Variants in CSMD1 observed in about 807,000 individuals in gnomAD.
CSMD1 encodes the protein CUB and sushi domain-containing protein 1.
In CSMD1, 213 loss-of-function variants were observed where a neutral mutation model predicts 417.5. That is an observed-to-expected ratio of 0.51 (90% CI 0.46 to 0.57). The LOEUF (loss-of-function observed/expected upper bound fraction) is 0.57. Ranked by LOEUF, CSMD1 falls within the 20% of genes least tolerant of loss-of-function variation. The probability of loss-of-function intolerance (pLI) is 0.00; values close to 1 mark genes in which losing one functional copy is unlikely to be tolerated. For synonymous variants in CSMD1, 2,862 were observed against 1,736.8 expected (o/e 1.65, Z -16.11); for missense variants, 6,923 against 4,529.7 (o/e 1.53, Z -15.17).
intron 3 of CSMD1, among the ~76,000 whole-genome samples, chr8:4,245,774 A>T (rs141682720): frequency 2.0e-5 from 3 of 152,168 alleles, no homozygotes; most frequent in African/African-American, 7.2e-5. Flanking sequence ...CTCTGTTTTC[A>T]TATTTCCTAT....
At chr8:2,997,404 A>G (rs1328742099) in intron 54 of CSMD1, among the ~76,000 whole-genome samples, 3 of 152,240 alleles carry the variant, frequency 2.0e-5, no homozygotes, top group East Asian at 1.9e-4. Context: ...AGAGACATTG[A>G]TAAGTTCCTG....
chr8:4,839,453 C>T (rs1164618069), intron 1 of CSMD1, among the ~76,000 whole-genome samples: 2 of 152,176 alleles, frequency 1.3e-5, no homozygotes, highest in Non-Finnish European at 2.9e-5. Context: ...AGTTGCTAGA[C>T]ATTTAGAATG....
intron 6 of CSMD1, among the ~76,000 whole-genome samples, chr8:3,723,717 C>G (rs2623758): frequency 0.95 from 144,259 of 152,206 alleles, 68,851 homozygotes; most frequent in East Asian, 1. Flanking sequence ...TGCTTTTTTA[C>G]TTATTGCACA....
At chr8:3,770,384 C>T (rs948054193) in intron 5 of CSMD1, among the ~76,000 whole-genome samples, 1 of 152,124 alleles carries the variant, frequency 6.6e-6, no homozygotes, top group Non-Finnish European at 1.5e-5. Context: ...CAAAAATTAG[C>T]CAGGCACGGT....
At chr8:4,351,972 A>T (rs1428253263) in intron 3 of CSMD1, among the ~76,000 whole-genome samples, 1 of 151,570 alleles carries the variant, frequency 6.6e-6, no homozygotes, top group Admixed American at 6.6e-5. Context: ...TTTCAGAAAA[A>T]AAAATGAGTG....
intron 1 of CSMD1, among the ~76,000 whole-genome samples, chr8:4,804,466 T>C (rs1234750482): frequency 8.7e-5 from 13 of 149,924 alleles, no homozygotes; most frequent in Non-Finnish European, 1.5e-4. Context: ...AGATTTTTTT[T>C]TTTTTATTTA....
intron 6 of CSMD1, among the ~76,000 whole-genome samples, chr8:3,725,656 A>T (rs1243294084): frequency 1.3e-5 from 2 of 152,064 alleles, no homozygotes; most frequent in Non-Finnish European, 2.9e-5. Context: ...TGGAGTGAGC[A>T]GTGGAGGACC....
At chr8:3,293,364 T>A (rs1399908208) in intron 25 of CSMD1, among the ~76,000 whole-genome samples, 1 of 152,180 alleles carries the variant, frequency 6.6e-6, no homozygotes, top group Non-Finnish European at 1.5e-5. Flanking sequence ...TGAATTTGAA[T>A]GTTGGCCTGC....
chr8:4,057,979 C>G (rs1306590407), intron 3 of CSMD1, among the ~76,000 whole-genome samples: 1 of 151,160 alleles, frequency 6.6e-6, no homozygotes, highest in Non-Finnish European at 1.5e-5. Context: ...ATGCCTCCAG[C>G]TTTGTTCTTT....
chr8:4,336,440 G>T (rs1800177406), intron 3 of CSMD1, among the ~76,000 whole-genome samples: 1 of 152,136 alleles, frequency 6.6e-6, no homozygotes, highest in Non-Finnish European at 1.5e-5. Context: ...GTCAGTTAAT[G>T]TCAGCATCTG....
chr8:4,888,363 T>C (rs35935107), intron 1 of CSMD1, among the ~76,000 whole-genome samples: 1,735 of 152,132 alleles, frequency 0.011, 17 homozygotes, highest in Non-Finnish European at 0.018. Flanking sequence ...CATTTCCTTT[T>C]TTAAAAAATG....
chr8:3,244,012 C>A (rs1163177123), intron 26 of CSMD1, among the ~76,000 whole-genome samples: 1 of 152,070 alleles, frequency 6.6e-6, no homozygotes, highest in Non-Finnish European at 1.5e-5. Context: ...TCCCTGCGTA[C>A]CTCGATAGAT....
chr8:4,690,098 T>C lies in CSMD1; in HGVS notation c.86-52540A>G, dbSNP rs1396977747. Among the ~76,000 whole-genome samples the C allele has an allele frequency of 2.0e-5, 3 of 152,220 alleles. No homozygotes were observed. In the East Asian group the frequency reaches 5.8e-4, roughly 29 times the overall value. On this transcript the variant is annotated intron_variant, in intron 1 of 69. Transcript: ENST00000635120. ...GAGTTACAAAGCCTTCTATAATTTG[T>C]TTTTCTATTTCAACAAATTCATGAT...
intron 5 of CSMD1, among the ~76,000 whole-genome samples, chr8:3,928,271 G>C (rs1432812129): frequency 1.3e-5 from 2 of 152,142 alleles, no homozygotes; most frequent in Non-Finnish European, 2.9e-5. Context: ...CATATGCTGT[G>C]ATATAAATGT....
chr8:4,198,025 G>A (rs923419103), intron 3 of CSMD1, among the ~76,000 whole-genome samples: 1 of 152,222 alleles, frequency 6.6e-6, no homozygotes, highest in Non-Finnish European at 1.5e-5. Context: ...TGGGGGCACA[G>A]ACTGCAGCAA....
At chr8:3,091,717 G>C in intron 47 of CSMD1, 55 bp from the exon 48 acceptor site, 1 of 1,524,254 alleles carries the variant, frequency 6.6e-7, no homozygotes, top group Non-Finnish European at 8.9e-7. Flanking sequence ...CCTACCAAAT[G>C]CATACTAGGT....
chr8:4,712,477 G>A (rs987222197), intron 1 of CSMD1, among the ~76,000 whole-genome samples: 2 of 152,158 alleles, frequency 1.3e-5, no homozygotes, highest in African/African-American at 2.4e-5. Flanking sequence ...CCATGTCAAA[G>A]CAGAAATGGC....
intron 52 of CSMD1, among the ~76,000 whole-genome samples, chr8:3,005,539 A>C (rs1341296931): frequency 6.6e-6 from 1 of 152,172 alleles, no homozygotes; most frequent in Non-Finnish European, 1.5e-5. Context: ...TACTGGCAAA[A>C]TGAATCCAGC....
intron 26 of CSMD1, among the ~76,000 whole-genome samples, chr8:3,262,402 G>A (rs1228270717): frequency 2.0e-5 from 3 of 151,186 alleles, no homozygotes; most frequent in African/African-American, 7.3e-5. Flanking sequence ...TCCATTTTCA[G>A]CATCACCCAT....
Sources: gnomAD v4.1 joint callset for allele counts (sites outside exome capture counted in the v4.1 genomes callset) on GRCh38, gnomAD v4.1.1 for gene constraint, MANE v1.5 for transcripts, NCBI Gene and HGNC (gene_info 2026-07-23, HGNC 2026-07-21) for gene names.